Variants in SORBS2 observed in about 807,000 individuals in gnomAD.
SORBS2 encodes the protein sorbin and SH3 domain containing 2.
SORBS2 carries 46 observed loss-of-function variants against 97.7 expected under a neutral mutation model. The ratio of observed to expected loss-of-function variants is 0.47; its 90% CI spans 0.37 to 0.60. SORBS2 has a LOEUF of 0.60. Ranked by LOEUF, SORBS2 falls within the 20% of genes least tolerant of loss-of-function variation. The pLI is 0.00. For missense variants in SORBS2, 1,316 were observed against 1,282.3 expected, an observed-to-expected ratio of 1.03 and a Z score of -0.40; for synonymous variants, 476 against 473.4, an observed-to-expected ratio of 1.01 and a Z score of -0.07.
chr4:185,875,532 G>GCATAT (rs2099233065), intron 1 of SORBS2, among the ~76,000 whole-genome samples: 1 of 152,236 alleles, frequency 6.6e-6, no homozygotes, highest in Non-Finnish European at 1.5e-5. Flanking sequence ...TAGTTGTAGA[G>GCATAT]AGTGACTTTT....
At chr4:185,698,448 G>A (rs950613947) in intron 2 of SORBS2, among the ~76,000 whole-genome samples, 3 of 152,028 alleles carry the variant, frequency 2.0e-5, no homozygotes, top group Non-Finnish European at 4.4e-5. Context: ...AGCCGAGATC[G>A]CACCATTGCA....
chr4:185,589,614 G>A lies in SORBS2; in HGVS notation c.2953+65C>T, dbSNP rs151013228. ...AAGCTCGGCCATCACAGCAAACCAC[G>A]GGAGTGAGCAAACTCAAGCAAATTA... On this transcript the variant is annotated intron_variant, in intron 14 of 14. Transcript: ENST00000418609. The A allele has an allele frequency of 4.3e-4, 389 of 897,760 alleles. 2 individuals are homozygous for A. In the African/African-American group the frequency reaches 5.2e-3, roughly 12 times the overall value. The allele number at this position is 897,760 out of a possible 1,614,324, so 55.6% of individuals were successfully genotyped here.
At chr4:185,820,104 G>A (rs998226962) in intron 1 of SORBS2, among the ~76,000 whole-genome samples, 2 of 152,158 alleles carry the variant, frequency 1.3e-5, no homozygotes, top group Non-Finnish European at 2.9e-5. Context: ...GGACCTCCGG[G>A]ACCTTCCAAT....
In SORBS2 at chr4:185,607,579, A is replaced by C. The variant is rs2096454553; in HGVS notation, c.2796+4201T>G. ...TTATGTTAATTAGAAAAGTTACTTCACAAATGAAACTCTACTAGTTTTGGA... is the reference window on the plus strand; with the variant it reads ...TTATGTTAATTAGAAAAGTTACTTCCCAAATGAAACTCTACTAGTTTTGGA... On this transcript the variant is annotated intron_variant, in intron 12 of 14. Coordinates refer to ENST00000418609, the Ensembl canonical transcript of SORBS2. The surrounding 1 kb of genome is among the most constrained non-coding windows in gnomAD (Gnocchi z 5.2). Among the ~76,000 whole-genome samples, 1 of 152,250 alleles carries C rather than the reference A, an allele frequency of 6.6e-6. No homozygotes were observed. Among genetic ancestry groups the C allele is most frequent in the Non-Finnish European group, 1.5e-5 (1 of 68,044 alleles).
chr4:185,598,529 C>T (rs1303846248), intron 12 of SORBS2, among the ~76,000 whole-genome samples: 1 of 152,154 alleles, frequency 6.6e-6, no homozygotes, highest in Non-Finnish European at 1.5e-5. Flanking sequence ...TTTATCAAAG[C>T]TTCTGCAGTT....
upstream of SORBS2, among the ~76,000 whole-genome samples, chr4:185,659,409 C>T (rs1049630796): frequency 5.3e-5 from 8 of 151,806 alleles, no homozygotes; most frequent in South Asian, 2.1e-4. Flanking sequence ...CAAGCTAGTC[C>T]TTATTTTTAC....
chr4:185,601,962 A>C lies in SORBS2; in HGVS notation c.2797-8027T>G, dbSNP rs371477387. ...AGACCACATGCGGCAAGTCTCTTGC[A>C]AAATAGTCTCTCGGATGGAAATGGA... On this transcript the variant is annotated intron_variant, in intron 12 of 14. Transcript: ENST00000418609. 2.4e-4 allele frequency among the ~76,000 whole-genome samples: 37 copies of C among 152,338 alleles called. No homozygotes were observed. In the East Asian group the frequency reaches 5.8e-3, roughly 24 times the overall value.
Position 185,623,034 on chromosome 4 carries a change from C to T in SORBS2, c.2095G>A (p.Ala699Thr). The change falls in exon 7 of 15, where the codon GCT (alanine) becomes ACT (threonine). Residue 699 changes from alanine (A) to threonine (T), a missense_variant. By Grantham distance (58) the Ala-to-Thr change is moderately conservative. Coordinates refer to ENST00000418609, the Ensembl canonical transcript of SORBS2. The surrounding 1 kb of genome is among the most constrained non-coding windows in gnomAD (Gnocchi z 6.4). The stretch of plus-strand genomic sequence containing the variant: ...TTCTGGTAGGGTGGACAATGAATAG[C>T]ACCATCGGGAGGCAGTGGGTGGAGA... 1 of 1,614,158 alleles carries T rather than the reference C, an allele frequency of 6.2e-7. No individual in the cohort carries two copies. Among genetic ancestry groups the T allele is most frequent in the East Asian group, 2.2e-5 (1 of 44,872 alleles).
intron 3 of SORBS2, among the ~76,000 whole-genome samples, chr4:185,647,009 C>T (rs1019819120): frequency 3.3e-5 from 5 of 152,278 alleles, no homozygotes; most frequent in Non-Finnish European, 7.4e-5. Flanking sequence ...TTCCTAATGG[C>T]AGCTGTGTAT....
At chr4:185,672,047 C>T (rs529925976) in intron 4 of SORBS2, among the ~76,000 whole-genome samples, 22 of 152,290 alleles carry the variant, frequency 1.4e-4, no homozygotes, top group Middle Eastern at 3.4e-3. Context: ...AATAGCATTA[C>T]GAGCCCACAG....
chr4:185,906,607 T>C (rs1561287446), intron 1 of SORBS2, among the ~76,000 whole-genome samples: 1 of 152,216 alleles, frequency 6.6e-6, no homozygotes, highest in Non-Finnish European at 1.5e-5. Flanking sequence ...AGAAAATACC[T>C]AACGCAGCAC....
chr4:185,818,509 G>C (rs1172422254), intron 1 of SORBS2, among the ~76,000 whole-genome samples: 3 of 152,098 alleles, frequency 2.0e-5, no homozygotes, highest in Non-Finnish European at 4.4e-5. Context: ...TTAAAAGTCA[G>C]ACTCTGGCAT....
chr4:185,941,151 C>A (rs1231350181), intron 1 of SORBS2, among the ~76,000 whole-genome samples: 1 of 152,182 alleles, frequency 6.6e-6, no homozygotes, highest in African/African-American at 2.4e-5. Flanking sequence ...TTCAGACTTA[C>A]CACGTGCCGG....
intron 1 of SORBS2, among the ~76,000 whole-genome samples, chr4:185,875,643 G>C (rs954966924): frequency 4.6e-5 from 7 of 152,240 alleles, no homozygotes; most frequent in Non-Finnish European, 7.3e-5. Context: ...GAATAAATAT[G>C]AAAGTCTCCC....
At chr4:185,687,986 A>T (rs1159782150) in intron 2 of SORBS2, among the ~76,000 whole-genome samples, 1 of 152,066 alleles carries the variant, frequency 6.6e-6, no homozygotes, top group Non-Finnish European at 1.5e-5. Context: ...TTGCTAGGCT[A>T]CTCTTCCCCT....
At chr4:185,804,295 G>A (rs11132350) in intron 1 of SORBS2, among the ~76,000 whole-genome samples, 5 of 152,060 alleles carry the variant, frequency 3.3e-5, no homozygotes, top group Admixed American at 3.3e-4. Context: ...TACAATAACC[G>A]ACTTGGCCTA....
chr4:185,893,547 G>C (rs2099243511), intron 1 of SORBS2, among the ~76,000 whole-genome samples: 1 of 152,288 alleles, frequency 6.6e-6, no homozygotes, highest in South Asian at 2.1e-4. Flanking sequence ...AGCTTCTGAA[G>C]GTTTGATAAT....
rs1460182831 is a variant in SORBS2 at position 185,651,818 on chromosome 4, T to C, written c.91+844A>G. 15 of 1,479,712 alleles carry C rather than the reference T, an allele frequency of 1.0e-5. No individual in the cohort carries two copies. The South Asian group carries it at 1.7e-4, about 17-fold the overall frequency. The allele number at this position is 1,479,712 out of a possible 1,614,324, so 91.7% of individuals were successfully genotyped here. A position where few individuals can be genotyped will look rare whatever the true frequency, so the allele number is the denominator to read the frequency against. ...ATGTATAAGGAGTATTATACATGTC[T>C]GTGTCATCATCTAGAAAATGAAACA... On this transcript the variant is annotated intron_variant, in intron 2 of 14. Transcript: ENST00000418609.
At chr4:185,669,037 G>C (rs1582299645) in intron 4 of SORBS2, among the ~76,000 whole-genome samples, 1 of 152,220 alleles carries the variant, frequency 6.6e-6, no homozygotes, top group African/African-American at 2.4e-5. Flanking sequence ...CTAGCACTGA[G>C]CTTCTTCGTC....
Sources: allele counts gnomAD v4.1 joint callset (sites outside exome capture counted in the v4.1 genomes callset), GRCh38; gene constraint gnomAD v4.1.1; non-coding constraint Gnocchi (gnomAD v3.1); transcripts MANE v1.5; gene names NCBI Gene and HGNC (gene_info 2026-07-23, HGNC 2026-07-21).